Variants in RBFOX1 observed in about 807,000 individuals in gnomAD.
RBFOX1 encodes the protein RNA binding protein fox-1 homolog 1.
Under a neutral mutation model 57.7 loss-of-function variants are expected in RBFOX1, and 8 were observed. The ratio of observed to expected loss-of-function variants is 0.14; its 90% CI spans 0.08 to 0.25. The LOEUF is 0.25. Among genes scored for constraint, RBFOX1 ranks in the 10% least tolerant of loss-of-function variants. The probability of loss-of-function intolerance (pLI) is 1.00; values close to 1 mark genes in which losing one functional copy is unlikely to be tolerated. For synonymous variants in RBFOX1, 326 were observed against 222.4 expected, an observed-to-expected ratio of 1.47 and a Z score of -4.15; for missense variants, 611 against 548.5, an observed-to-expected ratio of 1.11 and a Z score of -1.14.
At chr16:6,338,758 T>C (rs757053308) in intron 2 of RBFOX1, among the ~76,000 whole-genome samples, 3 of 152,214 alleles carry the variant, frequency 2.0e-5, no homozygotes, top group Non-Finnish European at 2.9e-5. Flanking sequence ...AACCAACTTC[T>C]CAAACCAGGT....
intron 3 of RBFOX1, among the ~76,000 whole-genome samples, chr16:6,764,764 C>CGT (rs2077093759): frequency 6.6e-6 from 1 of 152,046 alleles, no homozygotes. Context: ...TGGTGAAACC[C>CGT]TGTCTCTACC....
chr16:6,539,037 G>T (rs2096774328), intron 2 of RBFOX1, among the ~76,000 whole-genome samples: 1 of 151,710 alleles, frequency 6.6e-6, no homozygotes, highest in South Asian at 2.1e-4. Flanking sequence ...TGTCCTATAT[G>T]ATTTGAATAA....
At chr16:6,187,631 G>T (rs1278572271) in intron 1 of RBFOX1, among the ~76,000 whole-genome samples, 1 of 152,200 alleles carries the variant, frequency 6.6e-6, no homozygotes, top group African/African-American at 2.4e-5. Context: ...CCAGGCTGGA[G>T]ATCAGGATAC....
intron 1 of RBFOX1, among the ~76,000 whole-genome samples, chr16:6,129,723 A>C (rs1246305694): frequency 1.3e-5 from 2 of 150,890 alleles, no homozygotes; most frequent in Non-Finnish European, 3.0e-5. Context: ...AAAAGAACTA[A>C]ACTCAGACAT....
intron 1 of RBFOX1, among the ~76,000 whole-genome samples, chr16:6,126,760 C>T (rs1056507853): frequency 6.6e-6 from 1 of 152,030 alleles, no homozygotes; most frequent in Admixed American, 6.6e-5. Flanking sequence ...TAATAGTCAA[C>T]ATGTATGTAT....
intron 3 of RBFOX1, among the ~76,000 whole-genome samples, chr16:5,689,131 C>T (rs2050592677): frequency 6.6e-6 from 1 of 152,178 alleles, no homozygotes; most frequent in African/African-American, 2.4e-5. Context: ...GGAGATTAAA[C>T]TCTGGATGTC....
rs2096666209 is a variant in RBFOX1 at position 6,532,109 on chromosome 16, C to G, written c.-63-122494C>G. Among the ~76,000 whole-genome samples, 6 of 152,258 alleles carry G rather than the reference C, an allele frequency of 3.9e-5. 1 individual carries two copies. In the South Asian group the frequency reaches 1.2e-3, roughly 32 times the overall value. On this transcript the variant is annotated intron_variant, in intron 2 of 15. Coordinates refer to ENST00000550418, the MANE Select transcript of RBFOX1 (RefSeq NM_018723.4). ...ATCCCAGAAGAGCACATCCCATTGG[C>G]CAGACTTAGGCAATACCTCCCCTTC...
chr16:6,264,074 C>G (rs928036750), intron 1 of RBFOX1, among the ~76,000 whole-genome samples: 2 of 152,124 alleles, frequency 1.3e-5, no homozygotes, highest in African/African-American at 4.8e-5. Context: ...GATTCGATAA[C>G]CTTACTTTCA....
rs75923633 is a variant in RBFOX1 at position 6,218,862 on chromosome 16, AAAAAAGAAG to A, written c.-126-98130_-126-98122del. Among the ~76,000 whole-genome samples the A allele has an allele frequency of 0.029, 552 of 19,242 alleles. 13 individuals carry two copies. In the East Asian group the frequency reaches 0.48, roughly 17 times the overall value. 12.6% of individuals were successfully genotyped at this position (19,242 alleles called of 152,430 possible). ...GAGACAATTGAAGCCAGAAAAAAAA[AAAAAAGAAG>A]AAGGAGAAAAAGTCCTAATTATAGT... On this transcript the variant is annotated intron_variant, in intron 1 of 15. Transcript: ENST00000550418.
chr16:7,288,913 A>G (rs1436447807), intron 4 of RBFOX1, among the ~76,000 whole-genome samples: 1 of 152,192 alleles, frequency 6.6e-6, no homozygotes, highest in East Asian at 1.9e-4. Flanking sequence ...TTGGCTATGC[A>G]GGGGAACAAC....
At chr16:5,316,567 T>C (rs1024886223) in intron 1 of RBFOX1, among the ~76,000 whole-genome samples, 4 of 152,242 alleles carry the variant, frequency 2.6e-5, no homozygotes, top group African/African-American at 9.6e-5. Flanking sequence ...TTGGGCACAT[T>C]ACTTAGCCAC....
intron 3 of RBFOX1, among the ~76,000 whole-genome samples, chr16:6,816,275 C>G (rs1041461105): frequency 6.6e-6 from 1 of 152,188 alleles, no homozygotes; most frequent in Non-Finnish European, 1.5e-5. Flanking sequence ...CACTATTGCA[C>G]TCGCACTTGA....
intron 2 of RBFOX1, among the ~76,000 whole-genome samples, chr16:6,471,869 A>C (rs73542008): frequency 0.023 from 3,488 of 152,268 alleles, 112 homozygotes; most frequent in African/African-American, 0.068. Flanking sequence ...GTCGACTTGC[A>C]TCAGAAGCAC....
chr16:5,992,412 C>T (rs2060416175), intron 4 of RBFOX1, among the ~76,000 whole-genome samples: 3 of 152,166 alleles, frequency 2.0e-5, no homozygotes, highest in Admixed American at 2.0e-4. Context: ...CCTTTCTTAG[C>T]CATCACTCAG....
At chr16:5,959,193 A>G (rs1318840181) in intron 4 of RBFOX1, among the ~76,000 whole-genome samples, 1 of 152,216 alleles carries the variant, frequency 6.6e-6, no homozygotes, top group African/African-American at 2.4e-5. Context: ...AGCATCAGAC[A>G]GTGGCTTTCT....
rs529862107 is a variant in RBFOX1 at position 5,852,840 on chromosome 16, A to C, written c.319-14463A>C. 4.6e-5 allele frequency among the ~76,000 whole-genome samples: 7 copies of C among 152,052 alleles called. No homozygotes were observed. In the South Asian group the frequency reaches 1.5e-3, roughly 32 times the overall value. On this transcript the variant is annotated intron_variant, in intron 3 of 19. Transcript: ENST00000641259. Reference sequence around the variant, plus strand: ...GCAAAACTCCATCTCTAAGGGGAAAAAAAAGGATTTGGGATATGGGTGGAG... The same window carrying C: ...GCAAAACTCCATCTCTAAGGGGAAACAAAAGGATTTGGGATATGGGTGGAG...
At chr16:6,544,210 T>C (rs988384123) in intron 2 of RBFOX1, among the ~76,000 whole-genome samples, 3 of 152,186 alleles carry the variant, frequency 2.0e-5, no homozygotes, top group Admixed American at 6.5e-5. Flanking sequence ...ATTCACTTTA[T>C]GGTACTTGGA....
intron 2 of RBFOX1, among the ~76,000 whole-genome samples, chr16:5,512,154 T>C (rs768459124): frequency 2.0e-5 from 3 of 152,184 alleles, no homozygotes; most frequent in Non-Finnish European, 4.4e-5. Context: ...GATAAAATGA[T>C]GGATGTGGGC....
intron 2 of RBFOX1, among the ~76,000 whole-genome samples, chr16:6,350,949 C>T (rs1487630901): frequency 6.6e-6 from 1 of 152,160 alleles, no homozygotes; most frequent in Non-Finnish European, 1.5e-5. Context: ...TGGTCCTCAC[C>T]ACGAAATGCC....
Sources: allele counts gnomAD v4.1 joint callset (sites outside exome capture counted in the v4.1 genomes callset), GRCh38; gene constraint gnomAD v4.1.1; transcripts MANE v1.5; gene names NCBI Gene and HGNC (gene_info 2026-07-23, HGNC 2026-07-21).